FRY: variants seen among roughly 807,000 people sequenced by gnomAD.
The protein encoded by FRY is FRY microtubule binding protein.
Under a neutral mutation model 348.4 loss-of-function variants are expected in FRY, and 128 were observed. The ratio of observed to expected loss-of-function variants is 0.37; its 90% CI spans 0.32 to 0.43. FRY has a LOEUF of 0.43. FRY is among the 20% of genes least tolerant of loss of function. The probability of loss-of-function intolerance (pLI) is 1.00; values close to 1 mark genes in which losing one functional copy is unlikely to be tolerated. For missense variants in FRY, 2,736 were observed against 3,695.2 expected (o/e 0.74, Z 6.73); for synonymous variants, 1,370 against 1,374.7 (o/e 1.00, Z 0.08).
chr13:32,109,794 A>T (rs139588047), intron 3 of FRY, among the ~76,000 whole-genome samples: 1 of 152,366 alleles, frequency 6.6e-6, no homozygotes, highest in East Asian at 1.9e-4. Context: ...ATCTCAAGAA[A>T]AATAACGGGT....
chr13:32,293,171 T>C (rs1219491936), intron 59 of FRY, among the ~76,000 whole-genome samples: 1 of 152,188 alleles, frequency 6.6e-6, no homozygotes, highest in East Asian at 1.9e-4. Context: ...TGTATTCATA[T>C]GGGTAGGTAC....
At position 32,237,468 on chromosome 13, in the gene FRY, G is replaced by A. The variant is rs759289893; in HGVS notation, c.5900G>A (p.Ser1967Asn). 1.2e-6 allele frequency: 2 copies of A among 1,614,072 alleles called. No homozygotes were observed. Among genetic ancestry groups the A allele is most frequent in the Non-Finnish European group, 1.7e-6 (2 of 1,180,008 alleles). Residue 1967 changes from serine to asparagine, a missense_variant, in exon 44 of 61, where the codon AGC (serine) becomes AAC (asparagine). Physicochemically the swap from Ser to Asn is conservative, Grantham distance 46. This residue lies in a region of FRY where 794 missense variants were observed against 977.0 expected (regional missense o/e 0.81). Transcript: ENST00000542859. This position sits in a 1 kb window ranked among gnomAD's most constrained non-coding sequence, Gnocchi z 6.3. ...GQLNMNPGTT[S>N]GNTATAERSR... Reference sequence around the variant, plus strand: ...CTAAACATGAACCCGGGAACCACCAGCGGCAACACCGCAACTGCCGAACGG... The same window carrying A: ...CTAAACATGAACCCGGGAACCACCAACGGCAACACCGCAACTGCCGAACGG...
intron 12 of FRY, 74 bp downstream of exon 12, chr13:32,147,459 A>G: frequency 1.2e-6 from 1 of 811,696 alleles, no homozygotes; most frequent in Non-Finnish European, 2.2e-6. Flanking sequence ...ATTACTACCT[A>G]TGCTAACTCA....
At chr13:32,111,569 G>A (rs1365192731) in intron 3 of FRY, among the ~76,000 whole-genome samples, 3 of 152,110 alleles carry the variant, frequency 2.0e-5, no homozygotes, top group African/African-American at 7.2e-5. Flanking sequence ...GCATTGCATG[G>A]GTGATTGAGA....
Position 32,184,467 on chromosome 13 carries a change from A to AG in FRY, c.3055-133_3055-132insG. ...TTCCTCTGAGGATTAGGAAGAAAGA[A>AG]AAATGTATGCTGACTTTTATGCTTA... On this transcript the variant is annotated intron_variant, in intron 24 of 60. Coordinates refer to ENST00000542859, the MANE Select transcript of FRY (RefSeq NM_023037.3). 3 of 681,212 alleles carry AG rather than the reference A, an allele frequency of 4.4e-6. No homozygotes were observed. The South Asian group carries it at 4.9e-5, about 11-fold the overall frequency. The allele number at this position is 681,212 out of a possible 1,614,324, so 42.2% of individuals were successfully genotyped here. A position where few individuals can be genotyped will look rare whatever the true frequency, so the allele number is the denominator to read the frequency against.
At chr13:32,117,652 C>G (rs1212322938) in intron 4 of FRY, among the ~76,000 whole-genome samples, 179 bp downstream of exon 4, 1 of 152,146 alleles carries the variant, frequency 6.6e-6, no homozygotes, top group Non-Finnish European at 1.5e-5. Flanking sequence ...GAGTCACTGC[C>G]AGCCGTCACG....
Position 32,078,858 on chromosome 13 carries a change from T to C in FRY, c.95T>C (p.Ile32Thr). 1 of 1,614,094 alleles carries C rather than the reference T, an allele frequency of 6.2e-7. No homozygotes were observed. Among genetic ancestry groups the C allele is most frequent in the Non-Finnish European group, 8.5e-7 (1 of 1,179,970 alleles). Residue 32 changes from isoleucine (I) to threonine (T), a missense_variant, in exon 2 of 61, where the codon ATC becomes ACC. Physicochemically the swap from Ile to Thr is moderately conservative, Grantham distance 89 (BLOSUM62 -1). Transcript: ENST00000542859. ...SNTSPVGNGY[I>T]KPPVPPASGT... Reference sequence around the variant, plus strand: ...GCTTCTCCCGTTGGCAACGGTTACATCAAGCCTCCGGTTCCACCTGCTTCT... The same window carrying C: ...GCTTCTCCCGTTGGCAACGGTTACACCAAGCCTCCGGTTCCACCTGCTTCT...
chr13:32,263,732 G>A (rs1460451562), intron 53 of FRY, among the ~76,000 whole-genome samples: 1 of 152,204 alleles, frequency 6.6e-6, no homozygotes, highest in Non-Finnish European at 1.5e-5. Context: ...CCTAAGGCCA[G>A]GCGCTTTGGC....
At chr13:32,148,073 G>C in intron 13 of FRY, 126 bp downstream of exon 13, 1 of 700,478 alleles carries the variant, frequency 1.4e-6, no homozygotes, top group East Asian at 2.6e-5. Context: ...TTCTGTGAAA[G>C]ATTTAAAGTG....
chr13:32,268,445 G>A (rs1430179455), intron 55 of FRY, among the ~76,000 whole-genome samples: 11 of 131,572 alleles, frequency 8.4e-5, no homozygotes, highest in African/African-American at 2.9e-4. Context: ...TGTTGATGTG[G>A]AACTATGGTT....
intron 2 of FRY, among the ~76,000 whole-genome samples, chr13:32,100,984 T>G (rs1373285330): frequency 3.3e-5 from 5 of 152,136 alleles, no homozygotes; most frequent in Admixed American, 6.5e-5. Context: ...TATGAATTTT[T>G]GGGGGATACA....
At chr13:32,207,470 C>T (rs1884423920) in intron 31 of FRY, among the ~76,000 whole-genome samples, 1 of 152,176 alleles carries the variant, frequency 6.6e-6, no homozygotes, top group Non-Finnish European at 1.5e-5. Context: ...GCAGGAACTG[C>T]ATCATTTGTC....
intron 7 of FRY, among the ~76,000 whole-genome samples, chr13:32,128,757 G>A (rs1029753152): frequency 1.3e-5 from 2 of 151,912 alleles, no homozygotes; most frequent in African/African-American, 4.8e-5. Flanking sequence ...ACCACTTACA[G>A]ATATTTCTTG....
At position 32,173,429 on chromosome 13, in the gene FRY, C is replaced by G; in HGVS notation, c.2214C>G (p.Leu738=). 6.2e-7 allele frequency: 1 copy of G among 1,612,676 alleles called. No homozygotes were observed. The highest frequency in any genetic ancestry group is 8.5e-7 in the Non-Finnish European group (1 of 1,179,686). ...AACGAGGTCCCCACTGCAGTGTACT[C>G]CACGCTGTAGAAGGTTTTGCTCTGG... ...QSERGPHCSV[L]HAVEGFALVL... is the part of the protein sequence containing the mutation. The change falls in exon 19 of 61, where the codon CTC becomes CTG. Residue 738 remains leucine (L), a synonymous_variant. Transcript: ENST00000542859.
intron 1 of FRY, among the ~76,000 whole-genome samples, chr13:32,055,039 C>A (rs563622115): frequency 2.0e-5 from 3 of 151,990 alleles, no homozygotes; most frequent in South Asian, 2.1e-4. Context: ...CTATTTATTT[C>A]TTTATTTTAT....
At chr13:32,233,132 C>T (rs981247481) in intron 41 of FRY, among the ~76,000 whole-genome samples, 1 of 152,086 alleles carries the variant, frequency 6.6e-6, no homozygotes, top group African/African-American at 2.4e-5. Context: ...CGTTTACTAC[C>T]CTGAATGTGT....
chr13:32,186,199 A>G, intron 26 of FRY, 61 bp from the exon 27 acceptor site: 1 of 1,196,908 alleles, frequency 8.4e-7, no homozygotes, highest in Non-Finnish European at 1.3e-6. Flanking sequence ...TAAGAAATAT[A>G]TATAATAGCG....
chr13:32,083,760 A>G (rs1462494618), intron 2 of FRY, among the ~76,000 whole-genome samples: 2 of 152,160 alleles, frequency 1.3e-5, no homozygotes, highest in Non-Finnish European at 2.9e-5. Context: ...TCAACCAGAG[A>G]CCACTGGGAA....
chr13:32,056,747 T>C (rs960982855), intron 1 of FRY, among the ~76,000 whole-genome samples: 3 of 152,262 alleles, frequency 2.0e-5, no homozygotes, highest in Non-Finnish European at 2.9e-5. Flanking sequence ...CTGGCATCTA[T>C]TGTTAATTGC....
Sources: allele counts gnomAD v4.1 joint callset (sites outside exome capture counted in the v4.1 genomes callset), GRCh38; gene constraint gnomAD v4.1.1; regional missense constraint gnomAD v4.1.1; non-coding constraint Gnocchi (gnomAD v3.1); transcripts MANE v1.5; gene names NCBI Gene and HGNC (gene_info 2026-07-23, HGNC 2026-07-21).